Variants in MCM6 observed in about 807,000 individuals in gnomAD.
MCM6 encodes the protein minichromosome maintenance complex component 6.
MCM6 carries 46 observed loss-of-function variants against 94.3 expected under a neutral mutation model. That is an observed-to-expected ratio of 0.49 (90% CI 0.39 to 0.62). The LOEUF (loss-of-function observed/expected upper bound fraction) is 0.62, where lower values mean the gene tolerates loss of function less well. Ranked by LOEUF, MCM6 falls within the 20% of genes least tolerant of loss-of-function variation. The pLI, the probability that MCM6 is intolerant of heterozygous loss-of-function variation, is 0.00. For synonymous variants in MCM6, 335 were observed against 351.9 expected, an observed-to-expected ratio of 0.95 and a Z score of 0.54; for missense variants, 865 against 1,017.9, an observed-to-expected ratio of 0.85 and a Z score of 2.04.
chr2:135,872,378 G>T (rs1575369142), intron 2 of MCM6, among the ~76,000 whole-genome samples: 1 of 152,130 alleles, frequency 6.6e-6, no homozygotes, highest in African/African-American at 2.4e-5. Context: ...AACCCGGGAG[G>T]CAGAGGTTGC....
In MCM6 at chr2:135,865,203, G is replaced by A. The variant is rs768752973; in HGVS notation, c.928-40C>T. The A allele has an allele frequency of 2.6e-5, 35 of 1,351,986 alleles. No individual in the cohort carries two copies. In the South Asian group the frequency reaches 7.4e-4, roughly 29 times the overall value. The allele number at this position is 1,351,986 out of a possible 1,614,324, so 83.7% of individuals were successfully genotyped here. On this transcript the variant is annotated intron_variant, in intron 6 of 16. Coordinates refer to ENST00000264156, the MANE Select transcript of MCM6 (RefSeq NM_005915.6). ...CAAAGGAAGAATCATTAGTATAGAAGCAGTCAAAAGAGCATAAAGGAGAAG... is the reference window on the plus strand; with the variant it reads ...CAAAGGAAGAATCATTAGTATAGAAACAGTCAAAAGAGCATAAAGGAGAAG...
At chr2:135,873,284 C>A (rs1680237641) in intron 1 of MCM6, among the ~76,000 whole-genome samples, 1 of 152,228 alleles carries the variant, frequency 6.6e-6, no homozygotes, top group Admixed American at 6.5e-5. Context: ...ACTAACTCTT[C>A]TTTTACTACT....
intron 11 of MCM6, among the ~76,000 whole-genome samples, chr2:135,855,358 G>GAACCAAACCA (rs4988223): frequency 3.9e-5 from 6 of 151,968 alleles, no homozygotes; most frequent in Admixed American, 3.9e-4. Context: ...GAAAAAAAGT[G>GAACCAAACCA]AACCAAACCA....
At chr2:135,859,238 C>T (rs1022793384) in intron 9 of MCM6, 63 bp downstream of exon 9, 1 of 1,315,710 alleles carries the variant, frequency 7.6e-7, no homozygotes, top group East Asian at 2.3e-5. Context: ...AACTTATAGG[C>T]CTTTACTGAT....
chr2:135,846,940 G>T (rs1452006056), intron 14 of MCM6, among the ~76,000 whole-genome samples: 2 of 151,856 alleles, frequency 1.3e-5, no homozygotes, highest in Admixed American at 1.3e-4. Context: ...GGAGGCAAAG[G>T]TTGCAGTGAG....
At position 135,873,291 on chromosome 2, in the gene MCM6, T is replaced by C. The variant is rs4988153; in HGVS notation, c.108-448A>G. The stretch of plus-strand genomic sequence containing the variant: ...ACCCAACAACTAACTCTTCTTTTAC[T>C]ACTGTCATGTATAATTAAGATTGGA... On this transcript the variant is annotated intron_variant, in intron 1 of 16. Transcript: ENST00000264156. Among the ~76,000 whole-genome samples, 1,462 of 152,352 alleles carry C rather than the reference T, an allele frequency of 9.6e-3. 22 individuals carry two copies. The highest frequency in any genetic ancestry group is 0.034 in the African/African-American group (1,396 of 41,578).
intron 8 of MCM6, 42 bp from the exon 9 acceptor site, chr2:135,859,484 A>G: frequency 7.0e-7 from 1 of 1,424,776 alleles, no homozygotes; most frequent in Non-Finnish European, 9.6e-7. Context: ...ATATGTGATT[A>G]TACAGCACCC....
At chr2:135,862,855 G>C (rs998987900) in intron 7 of MCM6, 107 bp from the exon 8 acceptor site, 1 of 1,203,534 alleles carries the variant, frequency 8.3e-7, no homozygotes, top group Non-Finnish European at 1.2e-6. Flanking sequence ...GGCAGAGTCA[G>C]CTAAAGCAAA....
At chr2:135,864,919 C>T in intron 7 of MCM6, 94 bp downstream of exon 7, 2 of 1,015,436 alleles carry the variant, frequency 2.0e-6, no homozygotes, top group South Asian at 3.3e-5. Flanking sequence ...AAAACTTTCA[C>T]AGTCTGATTT....
At position 135,856,791 on chromosome 2, in the gene MCM6, A is replaced by T; in HGVS notation, c.1563T>A (p.Asn521Lys). The T allele has an allele frequency of 1.9e-6, 3 of 1,614,196 alleles. No homozygotes were observed. Among genetic ancestry groups the T allele is most frequent in the Non-Finnish European group, 2.5e-6 (3 of 1,180,022 alleles). The change falls in exon 11 of 17, where the codon AAT (asparagine) becomes AAA (lysine). Residue 521 changes from asparagine to lysine, a missense_variant. Physicochemically the swap from Asn to Lys is moderately conservative, Grantham distance 94. This residue lies in a region of MCM6 where 153 missense variants were observed against 241.5 expected (regional missense o/e 0.63). Coordinates refer to ENST00000264156, the MANE Select transcript of MCM6 (RefSeq NM_005915.6). ...ATCGGGACATGATGGGAGCTGACAA[A>T]TTTATATTCTGTTTCAATGATTTTG... The part of the protein sequence containing the change: ...DRSKSLKQNI[N>K]LSAPIMSRFD...
intron 11 of MCM6, among the ~76,000 whole-genome samples, chr2:135,856,263 T>G (rs1351731300): frequency 6.6e-6 from 1 of 152,098 alleles, no homozygotes; most frequent in Non-Finnish European, 1.5e-5. Context: ...ACCAACATGG[T>G]GAGACCCTGT....
At chr2:135,872,302 G>C (rs1680214881) in intron 2 of MCM6, among the ~76,000 whole-genome samples, 1 of 152,100 alleles carries the variant, frequency 6.6e-6, no homozygotes, top group South Asian at 2.1e-4. Context: ...TAAATAATTA[G>C]CCGGGCGTGA....
At chr2:135,841,684 T>A (rs549135793) in intron 16 of MCM6, among the ~76,000 whole-genome samples, 1 of 152,322 alleles carries the variant, frequency 6.6e-6, no homozygotes, top group Non-Finnish European at 1.5e-5. Context: ...TGAAGTTAGA[T>A]TGGACACTTT....
intron 15 of MCM6, 75 bp from the exon 16 acceptor site, chr2:135,844,759 T>C: frequency 2.9e-6 from 4 of 1,395,280 alleles, no homozygotes; most frequent in Non-Finnish European, 2.8e-6. Context: ...CTGCCACATA[T>C]ACAACGAGAT....
chr2:135,857,376 C>T (rs933054673), intron 10 of MCM6, among the ~76,000 whole-genome samples: 1 of 152,126 alleles, frequency 6.6e-6, no homozygotes, highest in Admixed American at 6.5e-5. Flanking sequence ...CAATAGATGC[C>T]TTATTTTCCT....
chr2:135,863,882 G>A (rs547936553), intron 7 of MCM6, among the ~76,000 whole-genome samples: 14 of 152,264 alleles, frequency 9.2e-5, no homozygotes, highest in African/African-American at 2.9e-4. Flanking sequence ...AGGCCAAGGC[G>A]GATGGATCAC....
rs904749516 is a variant in MCM6 at position 135,840,615 on chromosome 2, G to A, written c.*220C>T. 2.4e-5 allele frequency: 12 copies of A among 508,188 alleles called. No homozygotes were observed. Among genetic ancestry groups the A allele is most frequent in the African/African-American group, 2.1e-4 (11 of 52,090 alleles). The allele number at this position is 508,188 out of a possible 1,614,324, so 31.5% of individuals were successfully genotyped here. ...CATTATTTGGTTCCAACTTCACTGGGACAGGAAACACACCAAAGGAAGTGC... is the reference window on the plus strand; with the variant it reads ...CATTATTTGGTTCCAACTTCACTGGAACAGGAAACACACCAAAGGAAGTGC... On this transcript the variant is annotated 3_prime_UTR_variant, in exon 17 of 17. Transcript: ENST00000264156.
In MCM6 at chr2:135,840,238, A is replaced by G. The variant is rs1000576561; in HGVS notation, c.*597T>C. On this transcript the variant is annotated 3_prime_UTR_variant, in exon 17 of 17. Transcript: ENST00000264156. ...TTTATAAACTTAAAAAAAAAAAAAAACAACTGGAATTAACCTTGGAAAGTC... is the reference window on the plus strand; with the variant it reads ...TTTATAAACTTAAAAAAAAAAAAAAGCAACTGGAATTAACCTTGGAAAGTC... 7 of 102,932 alleles carry G rather than the reference A, an allele frequency of 6.8e-5. No individual in the cohort carries two copies. Among genetic ancestry groups the G allele is most frequent in the African/African-American group, 1.7e-4 (5 of 29,968 alleles). 6.4% of individuals were successfully genotyped at this position (102,932 alleles called of 1,614,324 possible). A position where few individuals can be genotyped will look rare whatever the true frequency, so the allele number is the denominator to read the frequency against.
At position 135,840,435 on chromosome 2, in the gene MCM6, T is replaced by C. The variant is rs1273011513; in HGVS notation, c.*400A>G. 6.4e-6 allele frequency: 1 copy of C among 156,698 alleles called. No homozygotes were observed. The highest frequency in any genetic ancestry group is 6.3e-5 in the Admixed American group (1 of 15,782). The allele number at this position is 156,698 out of a possible 1,614,324, so 9.7% of individuals were successfully genotyped here. A position where few individuals can be genotyped will look rare whatever the true frequency, so the allele number is the denominator to read the frequency against. On this transcript the variant is annotated 3_prime_UTR_variant, in exon 17 of 17. Coordinates refer to ENST00000264156, the MANE Select transcript of MCM6 (RefSeq NM_005915.6). ...CAGGGTACAGTAGAAAGAAATCCAA[T>C]AGACAACTTCAGAACAAGTTATTTT...
Sources: gnomAD v4.1 joint callset for allele counts (sites outside exome capture counted in the v4.1 genomes callset) on GRCh38, gnomAD v4.1.1 for gene constraint, gnomAD v4.1.1 regional missense constraint, MANE v1.5 for transcripts, NCBI Gene and HGNC (gene_info 2026-07-23, HGNC 2026-07-21) for gene names.